The following ERBB4 variants were observed in gnomAD, a reference collection of about 807,000 sequenced individuals.
ERBB4 encodes the protein receptor tyrosine-protein kinase erbB-4.
ERBB4 carries 42 observed loss-of-function variants against 158.0 expected under a neutral mutation model. The ratio of observed to expected loss-of-function variants is 0.27; its 90% CI spans 0.21 to 0.34. ERBB4 has a LOEUF of 0.34. Among genes scored for constraint, ERBB4 ranks in the 10% least tolerant of loss-of-function variants. The probability of loss-of-function intolerance (pLI) is 1.00; values close to 1 mark genes in which losing one functional copy is unlikely to be tolerated. For missense variants in ERBB4, 1,333 were observed against 1,624.1 expected (o/e 0.82, Z 3.08); for synonymous variants, 583 against 558.7 (o/e 1.04, Z -0.61).
chr2:211,679,899 T>A (rs934098856), intron 12 of ERBB4, among the ~76,000 whole-genome samples: 1 of 152,088 alleles, frequency 6.6e-6, no homozygotes, highest in Admixed American at 6.5e-5. Flanking sequence ...AGGCTGGTCT[T>A]AAACTCCTGA....
intron 2 of ERBB4, among the ~76,000 whole-genome samples, chr2:212,020,916 C>A: frequency 6.6e-6 from 1 of 151,908 alleles, no homozygotes; most frequent in East Asian, 1.9e-4. Context: ...TTTTTTACTG[C>A]TACCAGATTT....
chr2:211,709,206 C>T (rs989405521), intron 9 of ERBB4, among the ~76,000 whole-genome samples: 10 of 142,418 alleles, frequency 7.0e-5, no homozygotes, highest in Non-Finnish European at 4.5e-5. Context: ...CACTCTGGGC[C>T]GGAGGTGACT....
intron 5 of ERBB4, among the ~76,000 whole-genome samples, chr2:211,742,075 T>C (rs2074819245): frequency 6.6e-6 from 1 of 152,176 alleles, no homozygotes; most frequent in East Asian, 1.9e-4. Flanking sequence ...ATGTGCAAAG[T>C]TATTAGTAAA....
At chr2:211,640,652 C>T (rs1037649902) in intron 16 of ERBB4, among the ~76,000 whole-genome samples, 3 of 151,814 alleles carry the variant, frequency 2.0e-5, no homozygotes, top group African/African-American at 4.8e-5. Context: ...TATAATTATG[C>T]GGTTATATTA....
At chr2:212,470,967 A>G (rs1689089279) in intron 1 of ERBB4, among the ~76,000 whole-genome samples, 1 of 152,002 alleles carries the variant, frequency 6.6e-6, no homozygotes, top group Admixed American at 6.6e-5. Flanking sequence ...CCTACAACTA[A>G]CCTAGATGCT....
rs60602351 is a variant in ERBB4 at position 211,540,205 on chromosome 2, T to TATATATATATATACAC, written c.2487+21697_2487+21698insGTGTATATATATATAT. 1.3e-4 allele frequency among the ~76,000 whole-genome samples: 19 copies of TATATATATATATACAC among 147,836 alleles called. No individual in the cohort carries two copies. The East Asian group carries it at 3.0e-3, about 24-fold the overall frequency. On this transcript the variant is annotated intron_variant, in intron 20 of 27. Transcript: ENST00000342788. ...TACATGATTTATATATATATATATA[T>TATATATATATATACAC]ACACACACACATATATATAATACAT...
In ERBB4 at chr2:211,529,935, G is replaced by A. The variant is rs570570905; in HGVS notation, c.2487+31968C>T. 2.6e-5 allele frequency among the ~76,000 whole-genome samples: 4 copies of A among 152,156 alleles called. No individual in the cohort carries two copies. In the South Asian group the frequency reaches 6.2e-4, roughly 24 times the overall value. ...AGCCTTTTTCTCTAAGATTTGAAAC[G>A]TGACAAAGATGCCCACCCTCACCAT... On this transcript the variant is annotated intron_variant, in intron 20 of 27. Coordinates refer to ENST00000342788, the MANE Select transcript of ERBB4 (RefSeq NM_005235.3).
intron 1 of ERBB4, among the ~76,000 whole-genome samples, chr2:212,387,609 G>A (rs1160468635): frequency 1.3e-5 from 2 of 151,912 alleles, no homozygotes; most frequent in East Asian, 3.9e-4. Context: ...GTAGAGACGG[G>A]GTTTTGTCAT....
At chr2:212,380,745 C>G (rs1172769818) in intron 1 of ERBB4, among the ~76,000 whole-genome samples, 3 of 150,786 alleles carry the variant, frequency 2.0e-5, no homozygotes, top group Non-Finnish European at 4.5e-5. Context: ...ATAATTACTA[C>G]CTTGCACCCT....
chr2:211,801,855 T>C (rs1356279254), intron 3 of ERBB4, among the ~76,000 whole-genome samples: 1 of 152,214 alleles, frequency 6.6e-6, no homozygotes, highest in Non-Finnish European at 1.5e-5. Flanking sequence ...AGTTATATCA[T>C]ATTTGAAAGA....
intron 19 of ERBB4, among the ~76,000 whole-genome samples, chr2:211,587,412 A>T (rs1474558602): frequency 6.6e-6 from 1 of 152,142 alleles, no homozygotes. Flanking sequence ...CAATATGACT[A>T]GTGTCCTTAT....
At chr2:211,394,005 G>A (rs1350164188) in intron 25 of ERBB4, among the ~76,000 whole-genome samples, 2 of 151,868 alleles carry the variant, frequency 1.3e-5, no homozygotes, top group African/African-American at 4.8e-5. Context: ...CTTGACTGAG[G>A]GTAAGTAAGC....
intron 1 of ERBB4, among the ~76,000 whole-genome samples, chr2:212,251,995 G>C (rs1366498280): frequency 1.3e-5 from 2 of 151,898 alleles, no homozygotes; most frequent in African/African-American, 4.8e-5. Context: ...CTTTTACAAG[G>C]GTAATGACAA....
intron 1 of ERBB4, among the ~76,000 whole-genome samples, chr2:212,360,784 A>T (rs922187374): frequency 6.6e-6 from 1 of 151,754 alleles, no homozygotes; most frequent in Admixed American, 6.6e-5. Flanking sequence ...GTCTAAAATC[A>T]TCTAAATTCT....
At chr2:211,423,771 A>G (rs997552462) in intron 23 of ERBB4, among the ~76,000 whole-genome samples, 1 of 151,770 alleles carries the variant, frequency 6.6e-6, no homozygotes, top group Non-Finnish European at 1.5e-5. Context: ...TCATGTTTAG[A>G]TCATTTATGT....
chr2:212,020,053 CAT>C (rs1303488296), intron 2 of ERBB4, among the ~76,000 whole-genome samples: 1 of 152,010 alleles, frequency 6.6e-6, no homozygotes, highest in Non-Finnish European at 1.5e-5. Flanking sequence ...TGTAGATACT[CAT>C]AGAGAAAATT....
intron 5 of ERBB4, among the ~76,000 whole-genome samples, chr2:211,749,373 C>G (rs980946306): frequency 6.6e-6 from 1 of 152,104 alleles, no homozygotes; most frequent in Non-Finnish European, 1.5e-5. Flanking sequence ...GCAAAACATG[C>G]TAATATTTGA....
At chr2:212,505,506 A>G (rs1691144340) in intron 1 of ERBB4, among the ~76,000 whole-genome samples, 1 of 127,894 alleles carries the variant, frequency 7.8e-6, no homozygotes, top group African/African-American at 2.5e-5. Context: ...ATTGGAAAGT[A>G]TCATTGGGAA....
chr2:211,953,443 A>C (rs1330799218), intron 2 of ERBB4, among the ~76,000 whole-genome samples: 2 of 145,804 alleles, frequency 1.4e-5, no homozygotes, highest in Non-Finnish European at 3.0e-5. Flanking sequence ...GATGTCTTTG[A>C]TATTAAATAA....
Sources: allele counts gnomAD v4.1 joint callset (sites outside exome capture counted in the v4.1 genomes callset), GRCh38; gene constraint gnomAD v4.1.1; transcripts MANE v1.5; gene names NCBI Gene and HGNC (gene_info 2026-07-23, HGNC 2026-07-21).